The following GPC5 variants were observed in gnomAD, a reference collection of about 807,000 sequenced individuals.
The protein encoded by GPC5 is glypican-5.
In GPC5, 47 loss-of-function variants were observed where a neutral mutation model predicts 53.9. That is an observed-to-expected ratio of 0.87 (90% CI 0.69 to 1.11). The LOEUF (loss-of-function observed/expected upper bound fraction) is 1.11. GPC5 is among the 50% of genes most tolerant of loss of function. GPC5 has a pLI of 0.00. For synonymous variants in GPC5, 286 were observed against 263.3 expected, an observed-to-expected ratio of 1.09 and a Z score of -0.84; for missense variants, 748 against 713.1, an observed-to-expected ratio of 1.05 and a Z score of -0.56.
At chr13:92,213,956 A>AATTTGTAAAATTTGTAAAATTTAC (rs2042392768) in intron 7 of GPC5, among the ~76,000 whole-genome samples, 1 of 152,048 alleles carries the variant, frequency 6.6e-6, no homozygotes, top group Non-Finnish European at 1.5e-5. Flanking sequence ...TTTCCATTTA[A>AATTTGTAAAATTTGTAAAATTTAC]AAAACATTTT....
chr13:92,297,170 G>T (rs1018320912), intron 7 of GPC5, among the ~76,000 whole-genome samples: 1 of 152,202 alleles, frequency 6.6e-6, no homozygotes, highest in Non-Finnish European at 1.5e-5. Flanking sequence ...ATGTAGCTCA[G>T]GGATTGTAAA....
intron 5 of GPC5, among the ~76,000 whole-genome samples, chr13:91,788,616 G>GAT (rs1419049095): frequency 6.6e-6 from 1 of 152,078 alleles, no homozygotes; most frequent in East Asian, 1.9e-4. Context: ...GTTAAACAGT[G>GAT]ATATATATAC....
At chr13:92,824,614 G>C (rs564417707) in intron 7 of GPC5, among the ~76,000 whole-genome samples, 2 of 152,040 alleles carry the variant, frequency 1.3e-5, no homozygotes, top group African/African-American at 4.8e-5. Context: ...AAGAAAGGAA[G>C]AGGCCATATA....
intron 6 of GPC5, among the ~76,000 whole-genome samples, chr13:92,088,604 T>C (rs2041354117): frequency 6.6e-6 from 1 of 152,138 alleles, no homozygotes; most frequent in Admixed American, 6.5e-5. Flanking sequence ...GACATGACTT[T>C]GGGCAGGGGG....
intron 7 of GPC5, among the ~76,000 whole-genome samples, chr13:92,721,255 G>C (rs1277419225): frequency 1.1e-4 from 16 of 151,800 alleles, no homozygotes; most frequent in African/African-American, 3.9e-4. Flanking sequence ...ACAAGATAAG[G>C]GTTCCAAATG....
chr13:91,928,066 AC>A (rs1232268209), intron 6 of GPC5, among the ~76,000 whole-genome samples: 1 of 152,214 alleles, frequency 6.6e-6, no homozygotes, highest in African/African-American at 2.4e-5. Context: ...ACACATATCC[AC>A]ATATTCTCCA....
At chr13:91,665,505 C>CTTTTTTTTTTTTTTTCT (rs371605806) in intron 2 of GPC5, among the ~76,000 whole-genome samples, 37 of 146,196 alleles carry the variant, frequency 2.5e-4, no homozygotes, top group African/African-American at 8.3e-4. Context: ...AAAAGCCAGT[C>CTTTTTTTTTTTTTTTCT]TTTTTTTTTT....
At chr13:92,243,051 A>C (rs902916603) in intron 7 of GPC5, among the ~76,000 whole-genome samples, 3 of 152,196 alleles carry the variant, frequency 2.0e-5, no homozygotes, top group Non-Finnish European at 4.4e-5. Flanking sequence ...TTGTAGTTAC[A>C]TTAAAACTTA....
intron 7 of GPC5, among the ~76,000 whole-genome samples, chr13:92,751,015 T>C (rs1460221744): frequency 2.6e-5 from 4 of 152,150 alleles, no homozygotes; most frequent in Admixed American, 2.6e-4. Context: ...AAAATAGGCA[T>C]GCTTGTAGTA....
At chr13:91,534,229 C>T (rs1886478291) in intron 2 of GPC5, among the ~76,000 whole-genome samples, 1 of 152,150 alleles carries the variant, frequency 6.6e-6, no homozygotes, top group Non-Finnish European at 1.5e-5. Context: ...CCTTTATTCT[C>T]TCTATCCCTC....
intron 6 of GPC5, among the ~76,000 whole-genome samples, chr13:91,963,033 T>C (rs1472016424): frequency 2.0e-5 from 3 of 152,118 alleles, no homozygotes; most frequent in Non-Finnish European, 2.9e-5. Flanking sequence ...GGCTCTGGGG[T>C]CAGCCCACTT....
At chr13:92,722,491 T>G (rs943824640) in intron 7 of GPC5, among the ~76,000 whole-genome samples, 1 of 151,858 alleles carries the variant, frequency 6.6e-6, no homozygotes, top group Non-Finnish European at 1.5e-5. Flanking sequence ...CCAGAGAACT[T>G]TATGAAATCC....
At chr13:91,563,601 T>C (rs989081827) in intron 2 of GPC5, among the ~76,000 whole-genome samples, 2 of 152,226 alleles carry the variant, frequency 1.3e-5, no homozygotes, top group Non-Finnish European at 2.9e-5. Flanking sequence ...GCTATTCATT[T>C]CTTTAGTCAT....
At chr13:91,866,447 T>C (rs941682894) in intron 5 of GPC5, among the ~76,000 whole-genome samples, 6 of 152,180 alleles carry the variant, frequency 3.9e-5, no homozygotes, top group Non-Finnish European at 7.3e-5. Flanking sequence ...GGTTTTGTGC[T>C]GTCCTCCTGG....
chr13:92,559,351 T>G (rs1882613504), intron 7 of GPC5, among the ~76,000 whole-genome samples: 1 of 151,450 alleles, frequency 6.6e-6, no homozygotes, highest in South Asian at 2.1e-4. Context: ...TGTGTGTGTG[T>G]GTGTGTGTGT....
chr13:91,913,933 A>T (rs2039634455), intron 6 of GPC5, among the ~76,000 whole-genome samples: 1 of 152,156 alleles, frequency 6.6e-6, no homozygotes, highest in Middle Eastern at 3.2e-3. Context: ...TTTGCGTCAG[A>T]CTCAATTGCC....
intron 7 of GPC5, among the ~76,000 whole-genome samples, chr13:92,819,142 TAA>T (rs1401126956): frequency 6.6e-6 from 1 of 152,056 alleles, no homozygotes; most frequent in African/African-American, 2.4e-5. Flanking sequence ...CTTCCATACT[TAA>T]AGTTTCATAT....
intron 2 of GPC5, among the ~76,000 whole-genome samples, chr13:91,568,791 G>C (rs1262201394): frequency 1.5e-5 from 2 of 133,778 alleles, no homozygotes; most frequent in African/African-American, 5.7e-5. Context: ...GTCTCTCTCT[G>C]TCGCTGGAGT....
At chr13:92,865,146 G>A (rs1879299553) in intron 7 of GPC5, among the ~76,000 whole-genome samples, 1 of 151,998 alleles carries the variant, frequency 6.6e-6, no homozygotes, top group Non-Finnish European at 1.5e-5. Context: ...GTTAATTAAG[G>A]GGATAGTTTT....
Sources: gnomAD v4.1 joint callset for allele counts (sites outside exome capture counted in the v4.1 genomes callset) on GRCh38, gnomAD v4.1.1 for gene constraint, MANE v1.5 for transcripts, NCBI Gene and HGNC (gene_info 2026-07-23, HGNC 2026-07-21) for gene names.